Variants in TRMT10B observed in about 807,000 individuals in gnomAD.
The protein encoded by TRMT10B is tRNA methyltransferase 10B, also known as tRNA methyltransferase 10 homolog B.
TRMT10B carries 33 observed loss-of-function variants against 43.8 expected under a neutral mutation model. That is an observed-to-expected ratio of 0.75 (90% CI 0.57 to 1.01). TRMT10B has a LOEUF of 1.01. Among genes scored for constraint, TRMT10B ranks in the 50% least tolerant of loss-of-function variants. The probability of loss-of-function intolerance (pLI) is 0.00; values close to 1 mark genes in which losing one functional copy is unlikely to be tolerated. For synonymous variants in TRMT10B, 137 were observed against 130.6 expected (o/e 1.05, Z -0.34); for missense variants, 362 against 369.8 (o/e 0.98, Z 0.17).
chr9:37,753,950 G>C (rs945795112), intron 1 of TRMT10B, 98 bp downstream of exon 1: 1 of 152,380 alleles, frequency 6.6e-6, no homozygotes, highest in Non-Finnish European at 1.5e-5. Flanking sequence ...TGAGAAAGCA[G>C]CGTTTAGCAG....
intron 3 of TRMT10B, among the ~76,000 whole-genome samples, 190 bp downstream of exon 3, chr9:37,762,875 G>C (rs1826515581): frequency 6.6e-6 from 1 of 151,106 alleles, no homozygotes; most frequent in Non-Finnish European, 1.5e-5. Context: ...GCTCACACCT[G>C]TAATCCCAGC....
At chr9:37,773,183 C>T (rs181264885) in intron 7 of TRMT10B, among the ~76,000 whole-genome samples, 2 of 152,270 alleles carry the variant, frequency 1.3e-5, no homozygotes, top group Admixed American at 6.5e-5. Flanking sequence ...TCATAGCTCG[C>T]TGCAACCTTG....
chr9:37,760,501 CAGTG>C (rs1826208721), intron 1 of TRMT10B, among the ~76,000 whole-genome samples: 1 of 152,286 alleles, frequency 6.6e-6, no homozygotes, highest in Middle Eastern at 3.4e-3. Context: ...GCTTGGGTAA[CAGTG>C]AGACCCTGTC....
chr9:37,776,264 T>G lies in TRMT10B; in HGVS notation c.721-18T>G, dbSNP rs1349527404. The G allele has an allele frequency of 2.8e-6, 4 of 1,454,134 alleles. No homozygotes were observed. Among genetic ancestry groups the G allele is most frequent in the Non-Finnish European group, 3.6e-6 (4 of 1,103,660 alleles). The allele number at this position is 1,454,134 out of a possible 1,614,324, so 90.1% of individuals were successfully genotyped here. A position where few individuals can be genotyped will look rare whatever the true frequency, so the allele number is the denominator to read the frequency against. On this transcript the variant is annotated intron_variant, in intron 7 of 8. Transcript: ENST00000297994. ...TGTATAATTTTTATAAGAAAAATAT[T>G]TAACTATATATTTACAGAAGGTGAC...
intron 5 of TRMT10B, among the ~76,000 whole-genome samples, chr9:37,769,341 A>AAAAAG (rs1827307155): frequency 7.1e-6 from 1 of 139,948 alleles, no homozygotes; most frequent in African/African-American, 2.7e-5. Context: ...AAAAAAAAAA[A>AAAAAG]TCTCCTTTCA....
chr9:37,770,798 C>A, intron 7 of TRMT10B, 59 bp downstream of exon 7: 1 of 1,562,596 alleles, frequency 6.4e-7, no homozygotes, highest in Non-Finnish European at 8.8e-7. Flanking sequence ...CTTTTAGAGG[C>A]ATGTGCCCTG....
intron 7 of TRMT10B, among the ~76,000 whole-genome samples, chr9:37,773,703 A>C (rs1226980943): frequency 2.6e-5 from 4 of 152,074 alleles, no homozygotes; most frequent in African/African-American, 9.7e-5. Context: ...GTGTGGTGGC[A>C]TGTGCCTGTA....
intron 7 of TRMT10B, among the ~76,000 whole-genome samples, chr9:37,774,553 T>C (rs1827931557): frequency 6.6e-6 from 1 of 152,200 alleles, no homozygotes; most frequent in African/African-American, 2.4e-5. Context: ...TAAACTAAAT[T>C]GTAAGCTCTT....
intron 1 of TRMT10B, among the ~76,000 whole-genome samples, chr9:37,761,652 C>T (rs968863092): frequency 1.3e-5 from 2 of 152,170 alleles, no homozygotes; most frequent in African/African-American, 4.8e-5. Context: ...GAGCCAAGAT[C>T]ACACCATTGT....
intron 7 of TRMT10B, among the ~76,000 whole-genome samples, chr9:37,775,726 A>G (rs1828067834): frequency 6.6e-6 from 1 of 152,076 alleles, no homozygotes; most frequent in Admixed American, 6.6e-5. Context: ...TTGTAGAGAC[A>G]GGATCTCCCT....
At chr9:37,770,046 A>G (rs1348811927) in intron 6 of TRMT10B, 27 bp downstream of exon 6, 2 of 1,574,166 alleles carry the variant, frequency 1.3e-6, no homozygotes, top group South Asian at 1.1e-5. Context: ...ATGGATTCGT[A>G]TAGCCCATTG....
chr9:37,763,149 A>C (rs1419477230), intron 3 of TRMT10B, among the ~76,000 whole-genome samples: 2 of 140,282 alleles, frequency 1.4e-5, no homozygotes, highest in Non-Finnish European at 3.0e-5. Context: ...GTCTCAAAAA[A>C]AAAAAAAAAA....
chr9:37,771,464 A>G (rs957829218), intron 7 of TRMT10B, among the ~76,000 whole-genome samples: 32 of 143,274 alleles, frequency 2.2e-4, no homozygotes, highest in Admixed American at 1.5e-3. Flanking sequence ...GATGTGTTCT[A>G]TCTATGTTCC....
chr9:37,770,892 G>A lies in TRMT10B; in HGVS notation c.720+153G>A, dbSNP rs561927559. 117 of 665,644 alleles carry A rather than the reference G, an allele frequency of 1.8e-4. No homozygotes were observed. In the African/African-American group the frequency reaches 2.0e-3, roughly 11 times the overall value. The allele number at this position is 665,644 out of a possible 1,614,324, so 41.2% of individuals were successfully genotyped here. On this transcript the variant is annotated intron_variant, in intron 7 of 8. Coordinates refer to ENST00000297994, the MANE Select transcript of TRMT10B (RefSeq NM_144964.4). ...CCACCAGGTTGGCCCTCTGGCTGGT[G>A]AAGTTCCCTCTCTCCTCATGAGCAA...
intron 7 of TRMT10B, among the ~76,000 whole-genome samples, chr9:37,773,782 C>T (rs1018000405): frequency 8.6e-5 from 13 of 151,830 alleles, no homozygotes; most frequent in Non-Finnish European, 1.8e-4. Context: ...TGCAGTGAGC[C>T]GAAATCACAC....
In TRMT10B at chr9:37,756,997, A is replaced by G. The variant is rs1167304599; in HGVS notation, c.-30+3145A>G. ...TGGCCTGGGCAACATAGCAAGACCT[A>G]TCTCTTAACTTTTTTTTTTTTTAAT... On this transcript the variant is annotated intron_variant, in intron 1 of 8. Transcript: ENST00000297994. Among the ~76,000 whole-genome samples the G allele has an allele frequency of 2.1e-5, 3 of 143,754 alleles. No homozygotes were observed. In the East Asian group the frequency reaches 5.9e-4, roughly 28 times the overall value. The allele number at this position is 143,754 out of a possible 152,430, so 94.3% of individuals were successfully genotyped here. A position where few individuals can be genotyped will look rare whatever the true frequency, so the allele number is the denominator to read the frequency against.
upstream of TRMT10B, among the ~76,000 whole-genome samples, chr9:37,753,337 A>G (rs1588988116): frequency 6.6e-6 from 1 of 152,358 alleles, no homozygotes; most frequent in East Asian, 1.9e-4. Flanking sequence ...CTGTTGTGTC[A>G]GTCCCCGTTG....
intron 6 of TRMT10B, 58 bp downstream of exon 6, chr9:37,770,077 C>G (rs562897959): frequency 6.8e-7 from 1 of 1,468,530 alleles, no homozygotes; most frequent in African/African-American, 1.4e-5. Context: ...TCATTATTCC[C>G]TGTGGCAGAA....
In TRMT10B at chr9:37,778,117, A is replaced by G. The variant is rs540940363; in HGVS notation, c.*410A>G. The stretch of plus-strand genomic sequence containing the variant: ...GTGGCACATAGGCAAGTGTCTTTGC[A>G]TGACATCTTCTCAGAGCTTCACAAT... On this transcript the variant is annotated 3_prime_UTR_variant, in exon 9 of 9. Transcript: ENST00000297994. The G allele has an allele frequency of 4.3e-4, 75 of 174,624 alleles. 2 individuals are homozygous for G. Among genetic ancestry groups the G allele is most frequent in the South Asian group, 2.0e-3 (16 of 7,832 alleles). 10.8% of individuals were successfully genotyped at this position (174,624 alleles called of 1,614,324 possible). A position where few individuals can be genotyped will look rare whatever the true frequency, so the allele number is the denominator to read the frequency against.
Sources: allele counts gnomAD v4.1 joint callset (sites outside exome capture counted in the v4.1 genomes callset), GRCh38; gene constraint gnomAD v4.1.1; transcripts MANE v1.5; gene names NCBI Gene and HGNC (gene_info 2026-07-23, HGNC 2026-07-21).